ZNF577: variants seen among roughly 807,000 people sequenced by gnomAD.
The protein encoded by ZNF577 is zinc finger protein 577.
A neutral mutation model predicts 13.9 loss-of-function variants in ZNF577; 14 were observed. That is an observed-to-expected ratio of 1.00 (90% confidence interval 0.66 to 1.57). The LOEUF (loss-of-function observed/expected upper bound fraction) is 1.57. Among genes scored for constraint, ZNF577 ranks in the 40% most tolerant of loss-of-function variants. ZNF577 has a pLI of 0.00. For synonymous variants in ZNF577, 203 were observed against 202.9 expected (o/e 1.00, Z 0.00); for missense variants, 555 against 579.2 (o/e 0.96, Z 0.43).
chr19:51,829,245 G>A (rs951704295), intron 9 of ZNF577, among the ~76,000 whole-genome samples: 2 of 152,254 alleles, frequency 1.3e-5, no homozygotes, highest in Admixed American at 6.5e-5. Flanking sequence ...GGAGGGAGCT[G>A]TAAAGAGTCA....
chr19:51,806,347 C>T lies in ZNF577; in HGVS notation c.*818-1093G>A, dbSNP rs1165888668. On this transcript the variant is annotated intron_variant and NMD_transcript_variant, in intron 10 of 10. Coordinates refer to the ZNF577 transcript ENST00000638827. ...CTCTTCCCCATGTCAGTAAATCCAC[C>T]GGGCCTTTCCATTGTCCTTCTTCTG... 3.3e-5 allele frequency among the ~76,000 whole-genome samples: 5 copies of T among 152,294 alleles called. No individual in the cohort carries two copies. In the East Asian group the frequency reaches 5.8e-4, roughly 18 times the overall value.
At position 51,824,256 on chromosome 19, in the gene ZNF577, A is replaced by G; in HGVS notation, c.*600-12582T>C. On this transcript the variant is annotated intron_variant and NMD_transcript_variant, in intron 9 of 10. Coordinates refer to the ZNF577 transcript ENST00000638827. This position sits in a 1 kb window ranked among gnomAD's most constrained non-coding sequence, Gnocchi z 4.7. The stretch of plus-strand genomic sequence containing the variant: ...CATCTTCTGGACTACAATAAGTACT[A>G]CGAATGGGGACACATACTGTATTTT... 1 of 1,614,156 alleles carries G rather than the reference A, an allele frequency of 6.2e-7. No homozygotes were observed. Among genetic ancestry groups the G allele is most frequent in the African/African-American group, 1.3e-5 (1 of 75,032 alleles).
intron 9 of ZNF577, among the ~76,000 whole-genome samples, chr19:51,830,866 A>G (rs1002317238): frequency 1.3e-5 from 2 of 152,144 alleles, no homozygotes; most frequent in African/African-American, 2.4e-5. Flanking sequence ...ATCTGTACAT[A>G]AATGACTCCC....
chr19:51,831,971 T>C (rs2122519146), intron 9 of ZNF577, among the ~76,000 whole-genome samples: 1 of 152,216 alleles, frequency 6.6e-6, no homozygotes, highest in East Asian at 1.9e-4. Context: ...GAACATTTTT[T>C]TCTGAGTCCC....
chr19:51,816,076 A>C (rs1423821034), intron 9 of ZNF577, among the ~76,000 whole-genome samples: 1 of 151,762 alleles, frequency 6.6e-6, no homozygotes, highest in Non-Finnish European at 1.5e-5. Flanking sequence ...AAAAAAAAAA[A>C]AAAACCCTTG....
chr19:51,874,330 G>A (rs763689683), intron 5 of ZNF577, among the ~76,000 whole-genome samples: 6 of 152,120 alleles, frequency 3.9e-5, no homozygotes, highest in African/African-American at 1.4e-4. Context: ...ATGCAAAGAC[G>A]TAAGAAAATT....
chr19:51,866,274 A>C (rs1381577215), downstream of ZNF577, among the ~76,000 whole-genome samples: 1 of 152,070 alleles, frequency 6.6e-6, no homozygotes, highest in African/African-American at 2.4e-5. Flanking sequence ...GGCAGATTCA[A>C]CATCTACTAT....
intron 8 of ZNF577, among the ~76,000 whole-genome samples, chr19:51,841,362 C>T (rs1262622005): frequency 2.0e-5 from 3 of 152,184 alleles, no homozygotes; most frequent in Non-Finnish European, 4.4e-5. Context: ...TTAACCCTTG[C>T]CTTCCCTTCA....
chr19:51,815,734 G>A (rs1214517310), intron 9 of ZNF577, among the ~76,000 whole-genome samples: 6 of 151,824 alleles, frequency 4.0e-5, no homozygotes, highest in South Asian at 4.2e-4. Context: ...GGTATCTCAC[G>A]CCTGTAGTCC....
At position 51,880,330 on chromosome 19, in the gene ZNF577, G is replaced by A; in HGVS notation, c.53C>T (p.Ser18Leu). The A allele has an allele frequency of 6.2e-7, 1 of 1,614,016 alleles. No homozygotes were observed. The highest frequency in any genetic ancestry group is 8.5e-7 in the Non-Finnish European group (1 of 1,179,998). ...MSVRREQGSS[S>L]GEGSLSFEDV... ...CAGCAATGACAAATTTACCTCCCCT[G>A]AAGAACTGCCTTGCTCTCTCCTCAC... The change falls in exon 3 of 6, where the codon TCA (serine) becomes TTA (leucine). Residue 18 changes from serine (S) to leucine (L), a missense_variant. Ser to Leu is a moderately radical substitution (Grantham distance 145). Coordinates refer to ENST00000638348, the MANE Select transcript of ZNF577 (RefSeq NM_001370449.1).
rs138217280 is a variant in ZNF577 at position 51,873,514 on chromosome 19, T to C, written c.476A>G (p.Glu159Gly). 135 of 1,614,100 alleles carry C rather than the reference T, an allele frequency of 8.4e-5. No homozygotes were observed. The highest frequency in any genetic ancestry group is 1.1e-4 in the Non-Finnish European group (125 of 1,180,048). The change falls in exon 6 of 6, where the codon GAA (glutamate) becomes GGA (glycine). Residue 159 changes from glutamate (E) to glycine (G), a missense_variant. Coordinates refer to ENST00000638348, the MANE Select transcript of ZNF577 (RefSeq NM_001370449.1). ...QKICAGGKPH[E>G]CSVCGRAFSR... is the part of the protein sequence containing the mutation. ...GAAGGCTCTCCCGCACACACTGCAT[T>C]CATGTGGTTTCCCTCCTGCACAAAT...
chr19:51,813,119 A>AACATACACAC (rs2084109028), intron 9 of ZNF577, among the ~76,000 whole-genome samples: 2 of 137,122 alleles, frequency 1.5e-5, no homozygotes, highest in Admixed American at 1.5e-4. Context: ...GCTCTGTCTC[A>AACATACACAC]ACACACACAC....
intron 9 of ZNF577, chr19:51,825,250 C>G (rs1022394889): frequency 1.1e-5 from 2 of 179,102 alleles, no homozygotes; most frequent in Non-Finnish European, 2.6e-5. Flanking sequence ...AAAGATACTA[C>G]AAAGGATACA....
intron 9 of ZNF577, among the ~76,000 whole-genome samples, chr19:51,821,336 G>A (rs558729404): frequency 6.6e-6 from 1 of 152,260 alleles, no homozygotes; most frequent in Admixed American, 6.5e-5. Flanking sequence ...ACTGGGGGGA[G>A]TTTTGCCTCC....
chr19:51,881,349 A>T (rs2084858745), intron 1 of ZNF577, among the ~76,000 whole-genome samples: 1 of 152,124 alleles, frequency 6.6e-6, no homozygotes, highest in Non-Finnish European at 1.5e-5. Flanking sequence ...GTGGCTCAAG[A>T]AACTGACTTA....
In ZNF577 at chr19:51,824,784, G is replaced by A; in HGVS notation, c.*600-13110C>T. On this transcript the variant is annotated intron_variant and NMD_transcript_variant, in intron 9 of 10. Coordinates refer to the ZNF577 transcript ENST00000638827. The surrounding 1 kb of genome is among the most constrained non-coding windows in gnomAD (Gnocchi z 4.7). ...AGACACCACTTCTGCTTCACCTCCT[G>A]AGGAGACGGAGTTACAAGCAATGTG... 1 of 1,612,774 alleles carries A rather than the reference G, an allele frequency of 6.2e-7. No individual in the cohort carries two copies. The highest frequency in any genetic ancestry group is 8.5e-7 in the Non-Finnish European group (1 of 1,179,252).
chr19:51,880,127 G>C (rs565494438), intron 3 of ZNF577, among the ~76,000 whole-genome samples, 196 bp downstream of exon 3: 1 of 152,128 alleles, frequency 6.6e-6, no homozygotes, highest in Non-Finnish European at 1.5e-5. Context: ...TTCAAGGCAC[G>C]CTATTTTCGA....
chr19:51,860,851 C>A (rs2084490180), intron 5 of ZNF577: 1 of 365,564 alleles, frequency 2.7e-6, no homozygotes, highest in South Asian at 2.0e-5. Flanking sequence ...TATGAGATTT[C>A]TCTCGTAAAC....
downstream of ZNF577, chr19:51,862,796 CT>C: frequency 6.6e-6 from 1 of 152,452 alleles, no homozygotes; most frequent in Non-Finnish European, 1.5e-5. Context: ...TTTGAGAAGG[CT>C]TTTTCACAAT....
Sources: allele counts gnomAD v4.1 joint callset (sites outside exome capture counted in the v4.1 genomes callset), GRCh38; gene constraint gnomAD v4.1.1; non-coding constraint Gnocchi (gnomAD v3.1); transcripts MANE v1.5; gene names NCBI Gene and HGNC (gene_info 2026-07-23, HGNC 2026-07-21).